The following NLGN1 variants were observed in gnomAD, a reference collection of about 807,000 sequenced individuals.
NLGN1 encodes neuroligin-1.
NLGN1 carries 12 observed loss-of-function variants against 65.5 expected under a neutral mutation model. The ratio of observed to expected loss-of-function variants is 0.18; its 90% confidence interval spans 0.12 to 0.30. The LOEUF (loss-of-function observed/expected upper bound fraction) is 0.30, where lower values mean the gene tolerates loss of function less well. NLGN1 is among the 10% of genes least tolerant of loss of function. NLGN1 has a pLI of 1.00. For missense variants in NLGN1, 750 were observed against 1,007.1 expected, an observed-to-expected ratio of 0.74 and a Z score of 3.46; for synonymous variants, 350 against 359.5, an observed-to-expected ratio of 0.97 and a Z score of 0.30.
At chr3:174,277,157 C>G (rs1454240641) in intron 5 of NLGN1, among the ~76,000 whole-genome samples, 1 of 151,808 alleles carries the variant, frequency 6.6e-6, no homozygotes, top group Non-Finnish European at 1.5e-5. Context: ...TAGGTTTGGC[C>G]TAAACCTGTC....
chr3:173,947,165 G>A (rs138358172), intron 4 of NLGN1, among the ~76,000 whole-genome samples: 376 of 149,190 alleles, frequency 2.5e-3, no homozygotes, highest in African/African-American at 8.9e-3. Context: ...GGGTTCAAAC[G>A]ATTCTTGCCA....
intron 2 of NLGN1, among the ~76,000 whole-genome samples, chr3:173,565,811 A>G (rs1446825145): frequency 6.6e-6 from 1 of 152,200 alleles, no homozygotes; most frequent in Non-Finnish European, 1.5e-5. Context: ...ATTGCAAGGA[A>G]GATGAAGCAG....
At chr3:173,539,635 CATATAT>C (rs1483644657) in intron 2 of NLGN1, among the ~76,000 whole-genome samples, 1 of 36,212 alleles carries the variant, frequency 2.8e-5, no homozygotes, top group African/African-American at 8.9e-5. Flanking sequence ...TATATATACA[CATATAT>C]ACATATATAA....
chr3:173,400,418 C>T (rs965186427), intron 1 of NLGN1, among the ~76,000 whole-genome samples: 2 of 152,092 alleles, frequency 1.3e-5, no homozygotes, highest in Non-Finnish European at 2.9e-5. Context: ...CTCCTGGCCC[C>T]CCTTCTGAAT....
intron 4 of NLGN1, among the ~76,000 whole-genome samples, chr3:174,169,120 G>T (rs1286345178): frequency 6.6e-6 from 1 of 151,158 alleles, no homozygotes; most frequent in Non-Finnish European, 1.5e-5. Flanking sequence ...TACAGGAAGG[G>T]TGGAGTGACT....
chr3:173,664,646 C>T (rs1761446409), intron 3 of NLGN1, among the ~76,000 whole-genome samples: 1 of 152,104 alleles, frequency 6.6e-6, no homozygotes, highest in African/African-American at 2.4e-5. Flanking sequence ...CTGATGCTTT[C>T]ATACATGTTC....
chr3:173,850,557 A>G (rs761568677), intron 4 of NLGN1, among the ~76,000 whole-genome samples: 7 of 152,124 alleles, frequency 4.6e-5, no homozygotes, highest in Non-Finnish European at 8.8e-5. Flanking sequence ...ATTTAGTGTA[A>G]AGAATGAGAG....
At chr3:174,001,772 A>G (rs569966917) in intron 4 of NLGN1, among the ~76,000 whole-genome samples, 2 of 152,222 alleles carry the variant, frequency 1.3e-5, no homozygotes, top group East Asian at 3.9e-4. Context: ...TGACAAGGAA[A>G]TGGGATGATG....
At chr3:174,157,218 T>C (rs1725604843) in intron 4 of NLGN1, among the ~76,000 whole-genome samples, 1 of 151,636 alleles carries the variant, frequency 6.6e-6, no homozygotes, top group Admixed American at 6.6e-5. Context: ...AGATCATTTA[T>C]ATTCAAGGAT....
chr3:173,957,652 T>C (rs1375480638), intron 4 of NLGN1, among the ~76,000 whole-genome samples: 4 of 152,204 alleles, frequency 2.6e-5, no homozygotes, highest in Non-Finnish European at 4.4e-5. Context: ...TGCTATGTGC[T>C]CCTTACGGGT....
intron 1 of NLGN1, among the ~76,000 whole-genome samples, chr3:173,408,815 G>A (rs1711856626): frequency 6.6e-6 from 1 of 151,732 alleles, no homozygotes; most frequent in African/African-American, 2.4e-5. Context: ...GGGAGGCTGA[G>A]GCAGGAGAAT....
At chr3:173,837,347 T>A (rs1400754149) in intron 4 of NLGN1, among the ~76,000 whole-genome samples, 2 of 152,100 alleles carry the variant, frequency 1.3e-5, no homozygotes, top group Admixed American at 6.6e-5. Context: ...AATTTAAAAG[T>A]GTATCTATAT....
At chr3:173,546,105 C>T (rs763842419) in intron 2 of NLGN1, among the ~76,000 whole-genome samples, 2 of 152,026 alleles carry the variant, frequency 1.3e-5, no homozygotes, top group South Asian at 4.2e-4. Flanking sequence ...TTAAAAAATT[C>T]AAATGGTATT....
intron 4 of NLGN1, among the ~76,000 whole-genome samples, chr3:174,073,086 A>C (rs1054432701): frequency 6.6e-6 from 1 of 152,158 alleles, no homozygotes; most frequent in African/African-American, 2.4e-5. Context: ...TTTGTATGAT[A>C]TTGATATAAA....
intron 4 of NLGN1, among the ~76,000 whole-genome samples, chr3:174,172,060 C>G (rs919948841): frequency 2.0e-5 from 3 of 151,978 alleles, no homozygotes; most frequent in Admixed American, 1.3e-4. Context: ...AAGGTTTTCT[C>G]TATTTCTCCA....
At chr3:174,069,812 G>A (rs920571209) in intron 4 of NLGN1, among the ~76,000 whole-genome samples, 1 of 152,176 alleles carries the variant, frequency 6.6e-6, no homozygotes, top group African/African-American at 2.4e-5. Context: ...TCAGTAAAGT[G>A]GGTATTAGCA....
chr3:174,286,153 T>A (rs866076502), exon 7 of NLGN1: 2 of 151,410 alleles, frequency 1.3e-5, no homozygotes, highest in African/African-American at 4.8e-5. Context: ...GTACACCACA[T>A]AATATATATA....
At chr3:174,064,034 C>T (rs1438168162) in intron 4 of NLGN1, among the ~76,000 whole-genome samples, 4 of 151,898 alleles carry the variant, frequency 2.6e-5, no homozygotes, top group African/African-American at 9.7e-5. Context: ...CCCAGCTACT[C>T]GGGAGGCTGA....
intron 2 of NLGN1, among the ~76,000 whole-genome samples, chr3:173,536,203 G>T (rs1052174631): frequency 1.3e-5 from 2 of 152,154 alleles, no homozygotes; most frequent in Non-Finnish European, 2.9e-5. Flanking sequence ...TGTCTCACCA[G>T]CTACTGAGTT....
Sources: gnomAD v4.1 joint callset for allele counts (sites outside exome capture counted in the v4.1 genomes callset) on GRCh38, gnomAD v4.1.1 for gene constraint, MANE v1.5 for transcripts, NCBI Gene and HGNC (gene_info 2026-07-23, HGNC 2026-07-21) for gene names.